The following TRPM3 variants were observed in gnomAD, a reference collection of about 807,000 sequenced individuals.
The protein encoded by TRPM3 is long transient receptor potential channel 3.
Under a neutral mutation model 181.2 loss-of-function variants are expected in TRPM3, and 77 were observed. The ratio of observed to expected loss-of-function variants is 0.42; its 90% CI spans 0.35 to 0.51. TRPM3 has a LOEUF of 0.51. Ranked by LOEUF, TRPM3 falls within the 20% of genes least tolerant of loss-of-function variation. The pLI is 0.01. For missense variants in TRPM3, 1,759 were observed against 2,196.7 expected, an observed-to-expected ratio of 0.80 and a Z score of 3.98; for synonymous variants, 745 against 796.4, an observed-to-expected ratio of 0.94 and a Z score of 1.09.
At chr9:71,134,069 A>T (rs2074599513) in intron 1 of TRPM3, among the ~76,000 whole-genome samples, 1 of 152,014 alleles carries the variant, frequency 6.6e-6, no homozygotes, top group Admixed American at 6.6e-5. Flanking sequence ...CTCTCATTAC[A>T]TTTTAAAGAC....
Position 70,925,846 on chromosome 9 carries a change from C to G in TRPM3, c.178-61335G>C, listed in dbSNP as rs545979064. ...ACAATTAGGACTTAGATGAGAACATCCTCTTTCCTGGGTTAAGAATATGTT... is the reference window on the plus strand; with the variant it reads ...ACAATTAGGACTTAGATGAGAACATGCTCTTTCCTGGGTTAAGAATATGTT... On this transcript the variant is annotated intron_variant, in intron 1 of 25. Coordinates refer to ENST00000677713, the MANE Select transcript of TRPM3 (RefSeq NM_001366145.2). 1.2e-4 allele frequency among the ~76,000 whole-genome samples: 19 copies of G among 152,096 alleles called. No individual in the cohort carries two copies. In the South Asian group the frequency reaches 3.5e-3, roughly 28 times the overall value.
rs755370100 is a variant in TRPM3, at chr9:70,537,384, C to G, written c.3729G>C (p.Arg1243=). 2 of 1,487,944 alleles carry G rather than the reference C, an allele frequency of 1.3e-6. No homozygotes were observed. The highest frequency in any genetic ancestry group is 1.8e-6 in the Non-Finnish European group (2 of 1,118,920). 92.2% of individuals were successfully genotyped at this position (1,487,944 alleles called of 1,614,324 possible). Residue 1243 remains arginine, a synonymous_variant, in exon 26 of 26, where the codon CGG becomes CGC. Coordinates refer to ENST00000677713, the MANE Select transcript of TRPM3 (RefSeq NM_001366145.2). ...GCTCTCTCTCGTTGACTTCCTCCAG[C>G]CGCATAGACATGTTCTCCACCCTGC... is the stretch of plus-strand genomic sequence containing the variant. ...TSERVENMSM[R]LEEVNEREHS... is the part of the protein sequence containing the mutation.
intron 1 of TRPM3, among the ~76,000 whole-genome samples, chr9:71,367,342 A>G (rs890192181): frequency 3.9e-5 from 6 of 152,174 alleles, no homozygotes; most frequent in Non-Finnish European, 7.4e-5. Context: ...CCTCTGTCCC[A>G]GACACTAGGT....
chr9:70,792,649 G>C (rs1014707207), intron 6 of TRPM3, among the ~76,000 whole-genome samples: 4 of 109,648 alleles, frequency 3.6e-5, no homozygotes, highest in East Asian at 5.4e-4. Context: ...AAGAGGTGGA[G>C]AGACAGAAAG....
At chr9:70,849,146 T>TTTTG (rs1255314560) in intron 3 of TRPM3, among the ~76,000 whole-genome samples, 1 of 152,076 alleles carries the variant, frequency 6.6e-6, no homozygotes, top group Non-Finnish European at 1.5e-5. Context: ...TTGTTATTGT[T>TTTTG]TTTGTTTGTT....
intron 1 of TRPM3, among the ~76,000 whole-genome samples, chr9:70,965,237 T>C (rs1433714267): frequency 6.6e-6 from 1 of 152,110 alleles, no homozygotes; most frequent in African/African-American, 2.4e-5. Context: ...CTTTCAAGAA[T>C]AGCACTGAAC....
chr9:70,828,139 A>G (rs765406040), intron 5 of TRPM3, 121 bp from the exon 6 acceptor site: 128 of 992,902 alleles, frequency 1.3e-4, no homozygotes, highest in Non-Finnish European at 1.8e-4. Context: ...CAGTGAAAGT[A>G]CAGTCTACAT....
chr9:71,044,376 T>G lies in TRPM3; in HGVS notation c.177+76802A>C, dbSNP rs369418729. Among the ~76,000 whole-genome samples, 9 of 152,254 alleles carry G rather than the reference T, an allele frequency of 5.9e-5. No homozygotes were observed. In the East Asian group the frequency reaches 1.5e-3, roughly 26 times the overall value. On this transcript the variant is annotated intron_variant, in intron 1 of 25. Transcript: ENST00000677713. ...CCCAAAGACTCAGGCTCATCTTTGG[T>G]TTTCATTCACTCCATGATCAATTAC...
At chr9:71,440,941 G>T (rs1029629277) in intron 1 of TRPM3, among the ~76,000 whole-genome samples, 1 of 152,156 alleles carries the variant, frequency 6.6e-6, no homozygotes, top group Non-Finnish European at 1.5e-5. Context: ...TGTTTTTAAA[G>T]ATCTAGTAAT....
chr9:71,414,133 A>C (rs2093603313), intron 1 of TRPM3, among the ~76,000 whole-genome samples: 9 of 152,134 alleles, frequency 5.9e-5, no homozygotes, highest in Admixed American at 5.9e-4. Flanking sequence ...TATGGCAGCT[A>C]TAACCTTTCT....
rs187468965 is a variant in TRPM3, at chr9:70,592,242, T to C, written c.3049-1037A>G. Among the ~76,000 whole-genome samples the C allele has an allele frequency of 6.6e-5, 10 of 152,314 alleles. No homozygotes were observed. In the East Asian group the frequency reaches 1.5e-3, roughly 23 times the overall value. ...TGTGTTTTCCAGGCTACGTTAAATATGATACTGGCCCCGGCAAGAGTGATA... is the reference window on the plus strand; with the variant it reads ...TGTGTTTTCCAGGCTACGTTAAATACGATACTGGCCCCGGCAAGAGTGATA... On this transcript the variant is annotated intron_variant, in intron 21 of 25. Coordinates refer to ENST00000677713, the MANE Select transcript of TRPM3 (RefSeq NM_001366145.2).
At chr9:70,911,851 C>T (rs1226332040) in intron 1 of TRPM3, among the ~76,000 whole-genome samples, 2 of 152,206 alleles carry the variant, frequency 1.3e-5, no homozygotes, top group Admixed American at 6.5e-5. Context: ...TAAGCCTCAT[C>T]ATACCCAATC....
At chr9:71,095,692 G>T (rs148948270) in intron 1 of TRPM3, among the ~76,000 whole-genome samples, 1 of 146,084 alleles carries the variant, frequency 6.8e-6, no homozygotes, top group East Asian at 2.1e-4. Context: ...CCAGGAGGCA[G>T]AGGTTACAGT....
At chr9:70,924,231 T>C (rs1167616390) in intron 1 of TRPM3, among the ~76,000 whole-genome samples, 1 of 152,080 alleles carries the variant, frequency 6.6e-6, no homozygotes, top group African/African-American at 2.4e-5. Flanking sequence ...TGGCCCCAAA[T>C]AGCAACAAGG....
At chr9:71,396,792 T>C (rs2093208495) in intron 1 of TRPM3, among the ~76,000 whole-genome samples, 1 of 151,240 alleles carries the variant, frequency 6.6e-6, no homozygotes, top group African/African-American at 2.4e-5. Flanking sequence ...TGAAACCCCA[T>C]CTCTACTAAA....
chr9:71,275,975 G>C (rs2084181072), intron 1 of TRPM3, among the ~76,000 whole-genome samples: 1 of 151,870 alleles, frequency 6.6e-6, no homozygotes, highest in South Asian at 2.1e-4. Flanking sequence ...CAGAGTAGCT[G>C]AGACTACAGG....
intron 1 of TRPM3, among the ~76,000 whole-genome samples, chr9:71,364,948 A>C (rs977538999): frequency 2.0e-5 from 3 of 152,220 alleles, no homozygotes; most frequent in African/African-American, 7.2e-5. Context: ...ATAAAATAAG[A>C]TACTATCTCA....
chr9:71,088,601 A>G (rs2065674722), intron 1 of TRPM3, among the ~76,000 whole-genome samples: 1 of 152,076 alleles, frequency 6.6e-6, no homozygotes, highest in Non-Finnish European at 1.5e-5. Context: ...AGAAAGTCCA[A>G]AACTGTCTGT....
chr9:71,385,196 G>C (rs2092897952), intron 1 of TRPM3, among the ~76,000 whole-genome samples: 2 of 152,158 alleles, frequency 1.3e-5, no homozygotes, highest in South Asian at 4.2e-4. Context: ...AACATGAGAA[G>C]GTAGAATAAC....
Sources: allele counts gnomAD v4.1 joint callset (sites outside exome capture counted in the v4.1 genomes callset), GRCh38; gene constraint gnomAD v4.1.1; transcripts MANE v1.5; gene names NCBI Gene and HGNC (gene_info 2026-07-23, HGNC 2026-07-21).